The following PTPRG variants were observed in gnomAD, a reference collection of about 807,000 sequenced individuals.
The protein encoded by PTPRG is protein tyrosine phosphatase receptor type G, also known as receptor-type tyrosine-protein phosphatase gamma.
Under a neutral mutation model 165.3 loss-of-function variants are expected in PTPRG, and 102 were observed. The ratio of observed to expected loss-of-function variants is 0.62; its 90% CI spans 0.53 to 0.73. The LOEUF (loss-of-function observed/expected upper bound fraction) is 0.73, where lower values mean the gene tolerates loss of function less well. Ranked by LOEUF, PTPRG falls within the 30% of genes least tolerant of loss-of-function variation. PTPRG has a pLI of 0.00. For synonymous variants in PTPRG, 675 were observed against 669.5 expected (o/e 1.01, Z -0.13); for missense variants, 1,866 against 1,861.4 (o/e 1.00, Z -0.05).
rs117189989 is a variant in PTPRG, at chr3:62,244,379, T to G, written c.2467+481T>G. On this transcript the variant is annotated intron_variant, in intron 15 of 29. Coordinates refer to ENST00000474889, the MANE Select transcript of PTPRG (RefSeq NM_002841.4). ...TGGTTAGTGTTGGGGTAGGGAATAATGGAGTGCACACTGTAGTGAATCCTA... is the reference window on the plus strand; with the variant it reads ...TGGTTAGTGTTGGGGTAGGGAATAAGGGAGTGCACACTGTAGTGAATCCTA... Among the ~76,000 whole-genome samples the G allele has an allele frequency of 1.8e-3, 269 of 152,316 alleles. 4 individuals carry two copies. In the East Asian group the frequency reaches 0.047, roughly 26 times the overall value.
chr3:61,910,002 C>A (rs1394642618), intron 2 of PTPRG, among the ~76,000 whole-genome samples: 1 of 152,144 alleles, frequency 6.6e-6, no homozygotes, highest in Non-Finnish European at 1.5e-5. Flanking sequence ...TGCTTTACTT[C>A]ATTTTTCTCT....
At chr3:61,563,994 C>G (rs572105812) in intron 1 of PTPRG, among the ~76,000 whole-genome samples, 17 of 152,246 alleles carry the variant, frequency 1.1e-4, no homozygotes, top group Non-Finnish European at 1.6e-4. Flanking sequence ...CTAGGACGTG[C>G]GTCCACACTC....
At chr3:61,663,040 T>G (rs534505360) in intron 1 of PTPRG, among the ~76,000 whole-genome samples, 1 of 152,068 alleles carries the variant, frequency 6.6e-6, no homozygotes, top group African/African-American at 2.4e-5. Flanking sequence ...TCTCAGCACT[T>G]TGGAAGGCTG....
At chr3:62,191,743 T>C (rs1343831296) in intron 9 of PTPRG, 90 bp downstream of exon 9, 5 of 1,244,886 alleles carry the variant, frequency 4.0e-6, no homozygotes, top group Middle Eastern at 2.2e-4. Context: ...GTGTGCCAGC[T>C]CTGTGTCATC....
chr3:61,636,460 T>C (rs1303627695), intron 1 of PTPRG, among the ~76,000 whole-genome samples: 1 of 152,216 alleles, frequency 6.6e-6, no homozygotes, highest in East Asian at 1.9e-4. Flanking sequence ...TTTTCAAGGT[T>C]CATCTATCTT....
Position 62,292,318 on chromosome 3 carries a change from A to T in PTPRG, c.4056-103A>T. On this transcript the variant is annotated intron_variant, in intron 28 of 29. Coordinates refer to ENST00000474889, the MANE Select transcript of PTPRG (RefSeq NM_002841.4). Reference sequence around the variant, plus strand: ...TCGTGTCTTTAGAGTAAATGTCAAAACAGTCTACTTAGTTTCTATGAAAAT... The same window carrying T: ...TCGTGTCTTTAGAGTAAATGTCAAATCAGTCTACTTAGTTTCTATGAAAAT... The T allele has an allele frequency of 2.3e-6, 3 of 1,281,434 alleles. No homozygotes were observed. The South Asian group carries it at 4.4e-5, about 19-fold the overall frequency. 79.4% of individuals were successfully genotyped at this position (1,281,434 alleles called of 1,614,324 possible).
chr3:62,266,226 G>A (rs569212764), intron 17 of PTPRG, among the ~76,000 whole-genome samples: 1 of 152,216 alleles, frequency 6.6e-6, no homozygotes, highest in South Asian at 2.1e-4. Context: ...CACATTGCCT[G>A]CCTTCATCTA....
intron 2 of PTPRG, among the ~76,000 whole-genome samples, chr3:61,912,143 C>T (rs545201765): frequency 6.6e-6 from 1 of 151,942 alleles, no homozygotes; most frequent in Non-Finnish European, 1.5e-5. Context: ...ATAGGATTTC[C>T]TTCTAAGAGT....
chr3:61,819,933 T>G (rs192740062), intron 2 of PTPRG, among the ~76,000 whole-genome samples: 1 of 152,288 alleles, frequency 6.6e-6, no homozygotes, highest in East Asian at 1.9e-4. Context: ...GGAAAATGTA[T>G]GTGAATATTG....
intron 4 of PTPRG, among the ~76,000 whole-genome samples, chr3:62,028,198 T>G (rs561581923): frequency 6.6e-6 from 1 of 152,332 alleles, no homozygotes; most frequent in South Asian, 2.1e-4. Context: ...GCCCTTTTAA[T>G]ATATTTTTGA....
chr3:61,608,135 T>C (rs1303001389), intron 1 of PTPRG, among the ~76,000 whole-genome samples: 2 of 151,976 alleles, frequency 1.3e-5, no homozygotes, highest in Non-Finnish European at 2.9e-5. Context: ...GCAGAAGGCT[T>C]ATCGGGGATG....
intron 2 of PTPRG, among the ~76,000 whole-genome samples, chr3:61,897,090 T>G (rs951939363): frequency 6.6e-6 from 1 of 152,172 alleles, no homozygotes; most frequent in East Asian, 1.9e-4. Context: ...TAGTTTTTAT[T>G]AGGCTCAGTT....
intron 1 of PTPRG, among the ~76,000 whole-genome samples, chr3:61,680,744 G>GTGAGATTGAGTTAATCT (rs1215618952): frequency 2.8e-4 from 20 of 70,434 alleles, no homozygotes; most frequent in South Asian, 4.7e-4. Flanking sequence ...ATCAGGTGTG[G>GTGAGATTGAGTTAATCT]TACAGGTTGC....
chr3:61,969,481 T>C (rs918908304), intron 2 of PTPRG, among the ~76,000 whole-genome samples: 1 of 152,226 alleles, frequency 6.6e-6, no homozygotes, highest in African/African-American at 2.4e-5. Context: ...CAGAATTGTA[T>C]GATACACATT....
At chr3:61,939,311 T>C (rs1559700797) in intron 2 of PTPRG, among the ~76,000 whole-genome samples, 1 of 152,136 alleles carries the variant, frequency 6.6e-6, no homozygotes, top group Non-Finnish European at 1.5e-5. Flanking sequence ...TCAAACAAGC[T>C]CCTTGCCTCC....
chr3:62,165,746 G>A (rs1393023522), intron 7 of PTPRG, among the ~76,000 whole-genome samples: 1 of 152,094 alleles, frequency 6.6e-6, no homozygotes, highest in East Asian at 1.9e-4. Context: ...TGGAGGGGAG[G>A]TAGAATGATA....
intron 9 of PTPRG, among the ~76,000 whole-genome samples, chr3:62,194,714 A>G (rs528698040): frequency 1.4e-3 from 217 of 152,228 alleles, no homozygotes; most frequent in African/African-American, 5.0e-3. Flanking sequence ...GAGGCAAGAG[A>G]ATCACTTGAA....
At chr3:61,763,928 C>T (rs1172735058) in intron 2 of PTPRG, among the ~76,000 whole-genome samples, 2 of 152,122 alleles carry the variant, frequency 1.3e-5, no homozygotes, top group Admixed American at 6.5e-5. Context: ...GATTCAGTTT[C>T]TCAGTCACAC....
At chr3:61,602,261 T>C (rs1237394320) in intron 1 of PTPRG, among the ~76,000 whole-genome samples, 3 of 152,132 alleles carry the variant, frequency 2.0e-5, no homozygotes, top group Admixed American at 1.3e-4. Context: ...GTTTCCACAG[T>C]GTCTCGTTCA....
Sources: allele counts gnomAD v4.1 joint callset (sites outside exome capture counted in the v4.1 genomes callset), GRCh38; gene constraint gnomAD v4.1.1; transcripts MANE v1.5; gene names NCBI Gene and HGNC (gene_info 2026-07-23, HGNC 2026-07-21).